Variants in NMNAT2 observed in about 807,000 individuals in gnomAD.
NMNAT2 encodes nicotinamide/nicotinic acid mononucleotide adenylyltransferase 2.
In NMNAT2, 11 loss-of-function variants were observed where a neutral mutation model predicts 41.6. The observed-to-expected ratio is 0.26, with a 90% confidence interval of 0.17 to 0.44. The LOEUF (loss-of-function observed/expected upper bound fraction) is 0.44, where lower values mean the gene tolerates loss of function less well. NMNAT2 is among the 20% of genes least tolerant of loss of function. NMNAT2 has a pLI of 1.00. For synonymous variants in NMNAT2, 148 were observed against 151.2 expected (o/e 0.98, Z 0.16); for missense variants, 288 against 407.7 (o/e 0.71, Z 2.53).
chr1:183,320,252 G>A (rs1206045018), intron 1 of NMNAT2, among the ~76,000 whole-genome samples: 1 of 152,210 alleles, frequency 6.6e-6, no homozygotes, highest in African/African-American at 2.4e-5. Context: ...TTTTTGAAGT[G>A]CTGCTCTAGT....
intron 1 of NMNAT2, among the ~76,000 whole-genome samples, chr1:183,300,563 G>A (rs1661824199): frequency 6.6e-6 from 1 of 152,156 alleles, no homozygotes; most frequent in African/African-American, 2.4e-5. Flanking sequence ...CCCAGTCTAA[G>A]GTATTTTGTT....
chr1:183,341,742 A>AAAAAAAAAAAAAAAAAAAAAAAG lies in NMNAT2; in HGVS notation c.86-47950_86-47949insCTTTTTTTTTTTTTTTTTTTTTT, dbSNP rs1662818844. ...ACAAACACCAAAAAAAAAAAAAAAAAAAAAACCTGTTTCCTTCACTCCAGG... is the reference window on the plus strand; with the variant it reads ...ACAAACACCAAAAAAAAAAAAAAAAAAAAAAAAAAAAAAAAAAAAAAAGAAAAACCTGTTTCCTTCACTCCAGG... On this transcript the variant is annotated intron_variant, in intron 1 of 10. Coordinates refer to ENST00000287713, the MANE Select transcript of NMNAT2 (RefSeq NM_015039.4). 1.5e-5 allele frequency among the ~76,000 whole-genome samples: 2 copies of AAAAAAAAAAAAAAAAAAAAAAAG among 137,148 alleles called. 1 individual carries two copies. The allele number at this position is 137,148 out of a possible 152,430, so 90.0% of individuals were successfully genotyped here.
chr1:183,276,745 G>C (rs996703956), intron 8 of NMNAT2, among the ~76,000 whole-genome samples: 2 of 152,254 alleles, frequency 1.3e-5, no homozygotes, highest in Non-Finnish European at 2.9e-5. Flanking sequence ...ATTCTTGAAA[G>C]AGCTTTGATG....
rs575385423 is a variant in NMNAT2 at position 183,305,968 on chromosome 1, T to G, written c.86-12175A>C. 4.8e-4 allele frequency among the ~76,000 whole-genome samples: 73 copies of G among 152,278 alleles called. No homozygotes were observed. In the South Asian group the frequency reaches 6.0e-3, roughly 13 times the overall value. On this transcript the variant is annotated intron_variant, in intron 1 of 10. Coordinates refer to ENST00000287713, the MANE Select transcript of NMNAT2 (RefSeq NM_015039.4). ...AACTCCTGACCTCAGGTGGTCCACC[T>G]GCTTCGGCCTCCCAAAGTGCTGGGA... is the stretch of plus-strand genomic sequence containing the variant.
rs1470519235 is a variant in NMNAT2, at chr1:183,249,335, G to C, written c.*3306C>G. On this transcript the variant is annotated 3_prime_UTR_variant, in exon 11 of 11. Coordinates refer to ENST00000287713, the MANE Select transcript of NMNAT2 (RefSeq NM_015039.4). ...TTAAGGACAGAGTTATTGACAAAAA[G>C]GGTTTTCCTTCTGCCTGTTCTTACA... 6.6e-6 allele frequency: 1 copy of C among 152,162 alleles called. No homozygotes were observed. The highest frequency in any genetic ancestry group is 2.4e-5 in the African/African-American group (1 of 41,424). 9.4% of individuals were successfully genotyped at this position (152,162 alleles called of 1,614,324 possible). A position where few individuals can be genotyped will look rare whatever the true frequency, so the allele number is the denominator to read the frequency against.
At chr1:183,403,938 G>T (rs1299720805) in intron 1 of NMNAT2, among the ~76,000 whole-genome samples, 2 of 152,018 alleles carry the variant, frequency 1.3e-5, no homozygotes, top group Admixed American at 1.3e-4. Flanking sequence ...TCACCAAACA[G>T]GATTTGTTTA....
intron 1 of NMNAT2, among the ~76,000 whole-genome samples, chr1:183,391,699 C>T (rs150413633): frequency 1.5e-3 from 233 of 152,300 alleles, no homozygotes; most frequent in African/African-American, 5.0e-3. Context: ...GCTTCTGCCC[C>T]CTTCATTCCA....
At chr1:183,298,554 A>G (rs1270613703) in intron 1 of NMNAT2, among the ~76,000 whole-genome samples, 1 of 152,274 alleles carries the variant, frequency 6.6e-6, no homozygotes, top group Non-Finnish European at 1.5e-5. Context: ...ATAAATGTAG[A>G]GACCTATGCA....
At chr1:183,391,147 C>T (rs1435741398) in intron 1 of NMNAT2, among the ~76,000 whole-genome samples, 1 of 152,180 alleles carries the variant, frequency 6.6e-6, no homozygotes, top group Non-Finnish European at 1.5e-5. Context: ...GGCTCTGTCT[C>T]TGCTTCTTTT....
intron 1 of NMNAT2, among the ~76,000 whole-genome samples, chr1:183,417,272 C>T (rs1649281052): frequency 6.6e-6 from 1 of 152,170 alleles, no homozygotes; most frequent in African/African-American, 2.4e-5. Context: ...GATGCCCCCG[C>T]TCGCTCTCTC....
intron 1 of NMNAT2, among the ~76,000 whole-genome samples, chr1:183,364,776 C>T (rs1469553033): frequency 6.6e-6 from 1 of 152,022 alleles, no homozygotes; most frequent in East Asian, 1.9e-4. Flanking sequence ...ACTGCAACCT[C>T]CACTTCCCAG....
chr1:183,281,403 C>T (rs553927151), intron 7 of NMNAT2, among the ~76,000 whole-genome samples: 1 of 152,318 alleles, frequency 6.6e-6, no homozygotes, highest in South Asian at 2.1e-4. Flanking sequence ...CCCAACACAT[C>T]TGTTCCCAAA....
intron 10 of NMNAT2, among the ~76,000 whole-genome samples, chr1:183,255,485 A>G (rs1180512939): frequency 1.3e-5 from 2 of 152,088 alleles, no homozygotes; most frequent in East Asian, 1.9e-4. Flanking sequence ...TAGGTATTTC[A>G]TTAAATCTTT....
Position 183,344,687 on chromosome 1 carries a change from G to T in NMNAT2, c.86-50894C>A, listed in dbSNP as rs12025736. On this transcript the variant is annotated intron_variant, in intron 1 of 10. Coordinates refer to ENST00000287713, the MANE Select transcript of NMNAT2 (RefSeq NM_015039.4). ...CCTGGGCATTGTAAGATGTTTAGTA[G>T]CATAAACATAAATAAAGTCTGGAAA... Among the ~76,000 whole-genome samples, 141 of 152,258 alleles carry T rather than the reference G, an allele frequency of 9.3e-4. 2 individuals carry two copies. The East Asian group carries it at 0.025, about 27-fold the overall frequency.
intron 1 of NMNAT2, among the ~76,000 whole-genome samples, chr1:183,357,557 C>A (rs1241180323): frequency 6.6e-6 from 1 of 152,078 alleles, no homozygotes; most frequent in Non-Finnish European, 1.5e-5. Context: ...TAGAACATCT[C>A]ATCTTTGAGG....
At chr1:183,268,066 G>A (rs754047985) in intron 8 of NMNAT2, among the ~76,000 whole-genome samples, 9 of 152,142 alleles carry the variant, frequency 5.9e-5, no homozygotes, top group Non-Finnish European at 1.3e-4. Context: ...GGGAGGTAGG[G>A]ATAGGGATGG....
chr1:183,374,437 G>A (rs1168279855), intron 1 of NMNAT2, among the ~76,000 whole-genome samples: 1 of 152,136 alleles, frequency 6.6e-6, no homozygotes, highest in Admixed American at 6.5e-5. Flanking sequence ...GCTTAAACTA[G>A]GCCGGAGTCA....
intron 8 of NMNAT2, among the ~76,000 whole-genome samples, chr1:183,272,555 C>T (rs934942539): frequency 1.3e-5 from 2 of 152,132 alleles, no homozygotes; most frequent in Non-Finnish European, 2.9e-5. Flanking sequence ...TGGGAAATGC[C>T]ACAAGGGATG....
At chr1:183,287,998 C>T (rs922329602) in intron 4 of NMNAT2, among the ~76,000 whole-genome samples, 5 of 152,142 alleles carry the variant, frequency 3.3e-5, no homozygotes, top group African/African-American at 9.7e-5. Flanking sequence ...GTGGGTACCA[C>T]GGGATCTTTT....
Sources: gnomAD v4.1 joint callset for allele counts (sites outside exome capture counted in the v4.1 genomes callset) on GRCh38, gnomAD v4.1.1 for gene constraint, MANE v1.5 for transcripts, NCBI Gene and HGNC (gene_info 2026-07-23, HGNC 2026-07-21) for gene names.